CAMKMT: variants seen among roughly 807,000 people sequenced by gnomAD.
CAMKMT encodes CaM KMT.
In CAMKMT, 53 loss-of-function variants were observed where a neutral mutation model predicts 48.0. The observed-to-expected ratio is 1.10, with a 90% CI of 0.89 to 1.39. The LOEUF (loss-of-function observed/expected upper bound fraction) is 1.39. Ranked by LOEUF, CAMKMT falls within the 40% of genes most tolerant of loss-of-function variation. The pLI, the probability that CAMKMT is intolerant of heterozygous loss-of-function variation, is 0.00. For synonymous variants in CAMKMT, 165 were observed against 152.3 expected (o/e 1.08, Z -0.61); for missense variants, 428 against 402.7 (o/e 1.06, Z -0.54).
At chr2:44,540,087 T>C (rs1667011385) in intron 3 of CAMKMT, among the ~76,000 whole-genome samples, 1 of 152,154 alleles carries the variant, frequency 6.6e-6, no homozygotes, top group South Asian at 2.1e-4. Context: ...AAATTGTCCC[T>C]TCTACATTCA....
intron 3 of CAMKMT, among the ~76,000 whole-genome samples, chr2:44,551,687 C>T (rs778034735): frequency 1.9e-4 from 29 of 152,148 alleles, no homozygotes; most frequent in Non-Finnish European, 3.4e-4. Flanking sequence ...AAACTCATGT[C>T]ACTGTAGATG....
intron 3 of CAMKMT, among the ~76,000 whole-genome samples, chr2:44,591,346 G>T (rs1003028602): frequency 6.6e-6 from 1 of 152,178 alleles, no homozygotes; most frequent in Non-Finnish European, 1.5e-5. Flanking sequence ...ACCTTGGGCA[G>T]TATGACCATT....
intron 3 of CAMKMT, among the ~76,000 whole-genome samples, chr2:44,697,023 A>G (rs1435260075): frequency 1.3e-5 from 2 of 152,144 alleles, no homozygotes; most frequent in African/African-American, 4.8e-5. Context: ...GAAAGAAAAG[A>G]TTTTTTAAAA....
intron 3 of CAMKMT, among the ~76,000 whole-genome samples, chr2:44,594,660 C>G (rs1406622258): frequency 2.0e-5 from 3 of 152,134 alleles, no homozygotes; most frequent in African/African-American, 7.2e-5. Context: ...CAAAAATTAA[C>G]TCAAGATGGA....
chr2:44,730,144 G>C (rs1679003899), intron 7 of CAMKMT, among the ~76,000 whole-genome samples: 2 of 152,202 alleles, frequency 1.3e-5, no homozygotes, highest in African/African-American at 4.8e-5. Flanking sequence ...GTCACCTGCT[G>C]AGAACAAAGA....
chr2:44,679,331 C>G (rs1029461414), intron 3 of CAMKMT, among the ~76,000 whole-genome samples: 6 of 152,216 alleles, frequency 3.9e-5, no homozygotes, highest in African/African-American at 1.4e-4. Flanking sequence ...CAGCCATCCT[C>G]TCAGGGATCT....
At chr2:44,567,250 C>T (rs1037340796) in intron 3 of CAMKMT, among the ~76,000 whole-genome samples, 4 of 152,180 alleles carry the variant, frequency 2.6e-5, no homozygotes, top group Non-Finnish European at 4.4e-5. Context: ...TCCTAATTAA[C>T]ATTAATTCAT....
chr2:44,363,562 T>C (rs1678229111), intron 1 of CAMKMT, among the ~76,000 whole-genome samples: 1 of 151,354 alleles, frequency 6.6e-6, no homozygotes, highest in South Asian at 2.1e-4. Context: ...TTTTTTTAAG[T>C]AGAGACGGGG....
At chr2:44,587,334 C>G (rs1378649627) in intron 3 of CAMKMT, among the ~76,000 whole-genome samples, 2 of 152,138 alleles carry the variant, frequency 1.3e-5, no homozygotes, top group Non-Finnish European at 2.9e-5. Context: ...TTGCAATTTT[C>G]AAAGTACAGG....
At chr2:44,525,263 A>ATT (rs990155792) in intron 3 of CAMKMT, among the ~76,000 whole-genome samples, 1 of 150,010 alleles carries the variant, frequency 6.7e-6, no homozygotes, top group African/African-American at 2.4e-5. Flanking sequence ...CTAAAGAGAT[A>ATT]TTTTTTTTTT....
intron 3 of CAMKMT, among the ~76,000 whole-genome samples, chr2:44,474,250 A>C (rs774607854): frequency 6.6e-6 from 1 of 152,116 alleles, no homozygotes; most frequent in Non-Finnish European, 1.5e-5. Context: ...GTTCATGACT[A>C]GCCTGGCAAA....
At chr2:44,711,152 T>G (rs1346121576) in intron 6 of CAMKMT, among the ~76,000 whole-genome samples, 6 of 152,228 alleles carry the variant, frequency 3.9e-5, no homozygotes, top group African/African-American at 1.4e-4. Flanking sequence ...GCCATCTTCC[T>G]GTGTCCAGGC....
At chr2:44,610,701 TAA>T (rs879674631) in intron 3 of CAMKMT, among the ~76,000 whole-genome samples, 5 of 152,184 alleles carry the variant, frequency 3.3e-5, no homozygotes, top group Admixed American at 1.3e-4. Context: ...TAAAAATATA[TAA>T]GAGTTCTTAA....
intron 3 of CAMKMT, among the ~76,000 whole-genome samples, chr2:44,571,924 C>A (rs1379084399): frequency 1.3e-5 from 2 of 152,226 alleles, no homozygotes; most frequent in African/African-American, 4.8e-5. Context: ...AACACTGACA[C>A]ATCACTCATT....
chr2:44,427,220 T>G (rs1426128758), intron 3 of CAMKMT, among the ~76,000 whole-genome samples: 1 of 152,156 alleles, frequency 6.6e-6, no homozygotes, highest in East Asian at 1.9e-4. Context: ...GTAGAAAACC[T>G]AGGAAATACT....
chr2:44,614,264 A>G (rs1241735142), intron 3 of CAMKMT, among the ~76,000 whole-genome samples: 1 of 152,180 alleles, frequency 6.6e-6, no homozygotes, highest in East Asian at 1.9e-4. Flanking sequence ...GTTTATGGAA[A>G]CTTGAGTGTC....
chr2:44,589,133 T>G (rs1168264095), intron 3 of CAMKMT, among the ~76,000 whole-genome samples: 3 of 43,658 alleles, frequency 6.9e-5, no homozygotes, highest in East Asian at 8.0e-4. Flanking sequence ...GGGAGGGTGG[T>G]GGGGGGGTCA....
chr2:44,717,683 C>A (rs1051676269), intron 7 of CAMKMT, among the ~76,000 whole-genome samples: 1 of 152,014 alleles, frequency 6.6e-6, no homozygotes, highest in Non-Finnish European at 1.5e-5. Context: ...GCTATAAAGC[C>A]CACATGTGAG....
At position 44,695,817 on chromosome 2, in the gene CAMKMT, C is replaced by T. The variant is rs532478546; in HGVS notation, c.377-8466C>T. On this transcript the variant is annotated intron_variant, in intron 3 of 10. Transcript: ENST00000378494. Reference sequence around the variant, plus strand: ...TTAAACTTCTGGAGCCTTGAAGGCTCGGAAATCGGTGGCATCAGATGTAGC... The same window carrying T: ...TTAAACTTCTGGAGCCTTGAAGGCTTGGAAATCGGTGGCATCAGATGTAGC... 2.6e-3 allele frequency among the ~76,000 whole-genome samples: 397 copies of T among 151,272 alleles called. 5 individuals are homozygous for T. Among genetic ancestry groups the T allele is most frequent in the African/African-American group, 9.3e-3 (383 of 41,178 alleles).
Sources: allele counts gnomAD v4.1 joint callset (sites outside exome capture counted in the v4.1 genomes callset), GRCh38; gene constraint gnomAD v4.1.1; transcripts MANE v1.5; gene names NCBI Gene and HGNC (gene_info 2026-07-23, HGNC 2026-07-21).